The following PTTG1IP2 variants were observed in gnomAD, a reference collection of about 807,000 sequenced individuals.
PTTG1IP2 encodes PTTG1IP family member 2.
chr7:90,502,711 G>T (rs17865916), intron 6 of PTTG1IP2, among the ~76,000 whole-genome samples: 7,299 of 152,258 alleles, frequency 0.048, 440 homozygotes, highest in East Asian at 0.16. Flanking sequence ...TTTTTCTGAG[G>T]AGTAAGCCTC....
At chr7:90,497,205 G>A (rs978665088) in intron 6 of PTTG1IP2, among the ~76,000 whole-genome samples, 1 of 152,134 alleles carries the variant, frequency 6.6e-6, no homozygotes, top group African/African-American at 2.4e-5. Flanking sequence ...GTCAAGGCAG[G>A]AAGATTGCTT....
At chr7:90,472,079 A>G (rs981112162) in intron 1 of PTTG1IP2, among the ~76,000 whole-genome samples, 8 of 152,158 alleles carry the variant, frequency 5.3e-5, no homozygotes, top group Admixed American at 2.0e-4. Flanking sequence ...AATAGAACAT[A>G]AAATGCCATA....
intron 1 of PTTG1IP2, among the ~76,000 whole-genome samples, chr7:90,478,066 C>T (rs1797770603): frequency 7.5e-6 from 1 of 133,332 alleles, no homozygotes; most frequent in South Asian, 2.3e-4. Flanking sequence ...CACTGCATTC[C>T]AGCCTGGGTG....
intron 6 of PTTG1IP2, among the ~76,000 whole-genome samples, chr7:90,508,258 C>A (rs531500174): frequency 7.7e-6 from 1 of 130,360 alleles, no homozygotes; most frequent in African/African-American, 2.8e-5. Flanking sequence ...AGTGAGAACT[C>A]GTCTCAAAAA....
chr7:90,476,531 G>C (rs565183248), intron 1 of PTTG1IP2, among the ~76,000 whole-genome samples: 1 of 152,132 alleles, frequency 6.6e-6, no homozygotes, highest in East Asian at 1.9e-4. Context: ...AATAGAAATA[G>C]AATGTGTATT....
At chr7:90,479,784 C>T (rs1797794738) in intron 2 of PTTG1IP2, among the ~76,000 whole-genome samples, 1 of 152,152 alleles carries the variant, frequency 6.6e-6, no homozygotes, top group Admixed American at 6.5e-5. Context: ...CACTTTGTGT[C>T]ACAGACAGGT....
chr7:90,510,733 A>T (rs1798179679), intron 6 of PTTG1IP2, among the ~76,000 whole-genome samples: 1 of 152,238 alleles, frequency 6.6e-6, no homozygotes, highest in African/African-American at 2.4e-5. Context: ...AAAAAAGCAA[A>T]TGCTGTGTGA....
intron 6 of PTTG1IP2, among the ~76,000 whole-genome samples, chr7:90,501,390 C>T (rs1798059625): frequency 1.3e-5 from 2 of 152,094 alleles, no homozygotes; most frequent in Non-Finnish European, 2.9e-5. Flanking sequence ...AATACATGGC[C>T]AGACATAGTA....
intron 2 of PTTG1IP2, among the ~76,000 whole-genome samples, chr7:90,480,318 C>T (rs1797801750): frequency 6.6e-6 from 1 of 152,160 alleles, no homozygotes; most frequent in Admixed American, 6.5e-5. Context: ...AGTTTATTGG[C>T]CCTCTTCCAT....
chr7:90,485,732 G>T (rs1386882757), intron 2 of PTTG1IP2, among the ~76,000 whole-genome samples: 1 of 152,186 alleles, frequency 6.6e-6, no homozygotes, highest in Non-Finnish European at 1.5e-5. Context: ...TTCTTTAGGA[G>T]CTCGCCTGTG....
At chr7:90,511,350 C>G (rs1333138293) in intron 6 of PTTG1IP2, among the ~76,000 whole-genome samples, 1 of 152,150 alleles carries the variant, frequency 6.6e-6, no homozygotes, top group Non-Finnish European at 1.5e-5. Flanking sequence ...AACTTTTAAA[C>G]CTTGATTGCA....
Position 90,510,399 on chromosome 7 carries a change from G to T in PTTG1IP2, c.*51-2879G>T, listed in dbSNP as rs563272376. ...ATGATGCTAAATGTCAGGCTCTCTAGAGTGAATGAATGAAAAAAAATGATA... is the reference window on the plus strand; with the variant it reads ...ATGATGCTAAATGTCAGGCTCTCTATAGTGAATGAATGAAAAAAAATGATA... On this transcript the variant is annotated intron_variant, in intron 6 of 6. Coordinates refer to ENST00000509356, the MANE Select transcript of PTTG1IP2 (RefSeq NM_001365443.2). Among the ~76,000 whole-genome samples, 8 of 152,280 alleles carry T rather than the reference G, an allele frequency of 5.3e-5. 1 individual carries two copies. The highest frequency in any genetic ancestry group is 1.7e-4 in the African/African-American group (7 of 41,552).
chr7:90,480,161 G>A (rs1257148437), intron 2 of PTTG1IP2, among the ~76,000 whole-genome samples: 2 of 152,098 alleles, frequency 1.3e-5, no homozygotes, highest in Non-Finnish European at 2.9e-5. Flanking sequence ...TCAACCCTGT[G>A]TAGTAAGACA....
chr7:90,483,847 G>A (rs377760979), intron 2 of PTTG1IP2, among the ~76,000 whole-genome samples: 4 of 151,890 alleles, frequency 2.6e-5, no homozygotes, highest in Non-Finnish European at 4.4e-5. Context: ...CCTAAGGAGC[G>A]CATTCCTTCA....
chr7:90,513,281 T>C lies in PTTG1IP2; in HGVS notation c.*54T>C, dbSNP rs1295160173. ...GAATGTGTCTTTTTTCTTTCAGGCT[T>C]CCTTCAGGATTTTAATCATCCTTAC... On this transcript the variant is annotated 3_prime_UTR_variant, in exon 7 of 7. Coordinates refer to ENST00000509356, the MANE Select transcript of PTTG1IP2 (RefSeq NM_001365443.2). The C allele has an allele frequency of 1.3e-5, 2 of 152,686 alleles. No homozygotes were observed. Among genetic ancestry groups the C allele is most frequent in the African/African-American group, 4.8e-5 (2 of 41,468 alleles). 9.5% of individuals were successfully genotyped at this position (152,686 alleles called of 1,614,324 possible).
chr7:90,474,226 C>G (rs1005097940), intron 1 of PTTG1IP2, among the ~76,000 whole-genome samples: 5 of 152,008 alleles, frequency 3.3e-5, no homozygotes, highest in African/African-American at 1.2e-4. Context: ...CTAAACTTAC[C>G]TAAACATAGA....
chr7:90,484,534 T>G (rs551140332), intron 2 of PTTG1IP2, among the ~76,000 whole-genome samples: 1 of 152,268 alleles, frequency 6.6e-6, no homozygotes, highest in East Asian at 1.9e-4. Context: ...ATGGGTTATT[T>G]TCCTTAGTTA....
chr7:90,492,482 T>G (rs1205662931), intron 5 of PTTG1IP2, among the ~76,000 whole-genome samples, 173 bp downstream of exon 5: 1 of 152,164 alleles, frequency 6.6e-6, no homozygotes, highest in Non-Finnish European at 1.5e-5. Flanking sequence ...AGGCTAGAAA[T>G]TTGAGGTTAT....
chr7:90,513,371 A>T lies in PTTG1IP2; in HGVS notation c.*144A>T, dbSNP rs1798210590. 1 of 152,530 alleles carries T rather than the reference A, an allele frequency of 6.6e-6. No individual in the cohort carries two copies. The highest frequency in any genetic ancestry group is 2.4e-5 in the African/African-American group (1 of 41,422). The allele number at this position is 152,530 out of a possible 1,614,324, so 9.4% of individuals were successfully genotyped here. A position where few individuals can be genotyped will look rare whatever the true frequency, so the allele number is the denominator to read the frequency against. On this transcript the variant is annotated 3_prime_UTR_variant, in exon 7 of 7. Coordinates refer to ENST00000509356, the MANE Select transcript of PTTG1IP2 (RefSeq NM_001365443.2). Reference sequence around the variant, plus strand: ...GTTAAAATTTTAAATTCTATTAAACATTTTTTCGAGTATTTCATTACTTTT... The same window carrying T: ...GTTAAAATTTTAAATTCTATTAAACTTTTTTTCGAGTATTTCATTACTTTT...
Sources: allele counts gnomAD v4.1 joint callset (sites outside exome capture counted in the v4.1 genomes callset), GRCh38; gene constraint gnomAD v4.1.1; transcripts MANE v1.5; gene names NCBI Gene and HGNC (gene_info 2026-07-23, HGNC 2026-07-21).